SVOP: variants seen among roughly 807,000 people sequenced by gnomAD.
SVOP encodes SV2 related protein.
In SVOP, 17 loss-of-function variants were observed where a neutral mutation model predicts 69.1. The observed-to-expected ratio is 0.25, with a 90% CI of 0.17 to 0.37. The LOEUF is 0.37. Ranked by LOEUF, SVOP falls within the 10% of genes least tolerant of loss-of-function variation. The probability of loss-of-function intolerance (pLI) is 1.00; values close to 1 mark genes in which losing one functional copy is unlikely to be tolerated. For synonymous variants in SVOP, 238 were observed against 238.6 expected (o/e 1.00, Z 0.02); for missense variants, 435 against 597.5 (o/e 0.73, Z 2.84).
chr12:108,940,296 G>A (rs959235345), intron 8 of SVOP, among the ~76,000 whole-genome samples: 2 of 152,140 alleles, frequency 1.3e-5, no homozygotes, highest in East Asian at 3.8e-4. Flanking sequence ...TCAAGCATGT[G>A]CCCATGAAAT....
chr12:108,985,441 G>A (rs965880088), intron 1 of SVOP, among the ~76,000 whole-genome samples: 42 of 152,272 alleles, frequency 2.8e-4, no homozygotes, highest in Non-Finnish European at 5.1e-4. Context: ...GGAGGCTGGC[G>A]TGAAAGGGTC....
chr12:109,021,018 G>A lies in SVOP; in HGVS notation c.-150C>T. 1 of 570,472 alleles carries A rather than the reference G, an allele frequency of 1.8e-6. No homozygotes were observed. The highest frequency in any genetic ancestry group is 3.2e-6 in the Non-Finnish European group (1 of 316,940). The allele number at this position is 570,472 out of a possible 1,614,324, so 35.3% of individuals were successfully genotyped here. ...AGCTGTTCGGGGAGGGAGCCGCTGG[G>A]GACCAGCCCACGAGACAAAGCCTCC... is the stretch of plus-strand genomic sequence containing the variant. On this transcript the variant is annotated 5_prime_UTR_variant, in exon 1 of 16. Transcript: ENST00000610966.
rs2135639265 is a variant in SVOP, at chr12:109,020,873, G to T, written c.-5C>A. 2.8e-6 allele frequency: 2 copies of T among 714,932 alleles called. No homozygotes were observed. Among genetic ancestry groups the T allele is most frequent in the East Asian group, 2.7e-5 (1 of 37,024 alleles). 44.3% of individuals were successfully genotyped at this position (714,932 alleles called of 1,614,324 possible). A position where few individuals can be genotyped will look rare whatever the true frequency, so the allele number is the denominator to read the frequency against. The stretch of plus-strand genomic sequence containing the variant: ...CTGGAATAAGTCCTCCTCCATGTCC[G>T]CGCTGCGCCAGGATGAGCCCTTCTC... On this transcript the variant is annotated 5_prime_UTR_variant, in exon 1 of 16. Transcript: ENST00000610966.
intron 1 of SVOP, among the ~76,000 whole-genome samples, chr12:109,018,047 G>T (rs955750255): frequency 1.1e-4 from 16 of 152,214 alleles, no homozygotes. Context: ...ACCTTACTCA[G>T]CTGTAGAATC....
rs141138803 is a variant in SVOP at position 108,908,632 on chromosome 12, C to T, written c.*3903G>A. 149 of 152,218 alleles carry T rather than the reference C, an allele frequency of 9.8e-4. No homozygotes were observed. The highest frequency in any genetic ancestry group is 3.5e-3 in the African/African-American group (144 of 41,530). The allele number at this position is 152,218 out of a possible 1,614,324, so 9.4% of individuals were successfully genotyped here. A position where few individuals can be genotyped will look rare whatever the true frequency, so the allele number is the denominator to read the frequency against. On this transcript the variant is annotated 3_prime_UTR_variant, in exon 16 of 16. Coordinates refer to ENST00000610966, the MANE Select transcript of SVOP (RefSeq NM_018711.5). ...ATTTCCCCTGTAGGAAATTAACTACCGATCCCAGTCTTATAATAAAGCTCT... is the reference window on the plus strand; with the variant it reads ...ATTTCCCCTGTAGGAAATTAACTACTGATCCCAGTCTTATAATAAAGCTCT...
chr12:108,976,484 T>C (rs1319256843), intron 4 of SVOP, among the ~76,000 whole-genome samples: 1 of 152,228 alleles, frequency 6.6e-6, no homozygotes, highest in African/African-American at 2.4e-5. Flanking sequence ...AGAGCACATG[T>C]ACATTGTGCA....
At position 108,977,463 on chromosome 12, in the gene SVOP, T is replaced by C; in HGVS notation, c.316A>G (p.Ile106Val). The C allele has an allele frequency of 6.5e-7, 1 of 1,537,126 alleles. No homozygotes were observed. Among genetic ancestry groups the C allele is most frequent in the Non-Finnish European group, 8.7e-7 (1 of 1,146,814 alleles). ...TCGCAATGCAGCTGTGGTGCCAGGA[T>C]GCTGAGGATCATCATCTCCATGGCA... ...ADAMEMMILS[I>V]LAPQLHCEWR... Residue 106 changes from isoleucine (I) to valine (V), a missense_variant, in exon 4 of 16, where the codon ATC becomes GTC. Transcript: ENST00000610966.
Position 108,910,139 on chromosome 12 carries a change from T to G in SVOP, c.*2396A>C, listed in dbSNP as rs1022184713. 6.6e-6 allele frequency: 1 copy of G among 152,182 alleles called. No individual in the cohort carries two copies. Among genetic ancestry groups the G allele is most frequent in the Non-Finnish European group, 1.5e-5 (1 of 68,072 alleles). 9.4% of individuals were successfully genotyped at this position (152,182 alleles called of 1,614,324 possible). A position where few individuals can be genotyped will look rare whatever the true frequency, so the allele number is the denominator to read the frequency against. On this transcript the variant is annotated 3_prime_UTR_variant, in exon 16 of 16. Coordinates refer to ENST00000610966, the MANE Select transcript of SVOP (RefSeq NM_018711.5). ...CACACCTGGCTAATTTTTTTTTGTA[T>G]TTTTAGTAGAGACGGGGTTTCACCA...
intron 13 of SVOP, among the ~76,000 whole-genome samples, chr12:108,919,467 G>A (rs2039735484): frequency 6.7e-6 from 1 of 149,362 alleles, no homozygotes; most frequent in Admixed American, 6.6e-5. Flanking sequence ...ACACACCTGG[G>A]TCTGCACCCA....
chr12:108,940,998 G>A, intron 7 of SVOP, 89 bp from the exon 8 acceptor site: 1 of 1,471,714 alleles, frequency 6.8e-7, no homozygotes, highest in Non-Finnish European at 9.1e-7. Flanking sequence ...GGGTATCTCT[G>A]TGGGTAAGGG....
chr12:109,018,259 A>G (rs924560384), intron 1 of SVOP, among the ~76,000 whole-genome samples: 2 of 152,208 alleles, frequency 1.3e-5, no homozygotes, highest in Admixed American at 6.5e-5. Context: ...TCAGCCTCCC[A>G]AATCTCCTCT....
At chr12:108,973,551 C>G (rs139567469) in intron 4 of SVOP, among the ~76,000 whole-genome samples, 8 of 152,182 alleles carry the variant, frequency 5.3e-5, no homozygotes, top group African/African-American at 1.9e-4. Flanking sequence ...ACCACCATGC[C>G]TAGCTAATTT....
chr12:108,912,811 G>A (rs1224822885), intron 15 of SVOP, 70 bp from the exon 16 acceptor site: 2 of 1,462,106 alleles, frequency 1.4e-6, no homozygotes, highest in Non-Finnish European at 1.9e-6. Flanking sequence ...CCATCAAATA[G>A]TATTAGTAAC....
chr12:108,920,399 G>A (rs2039741026), intron 12 of SVOP, among the ~76,000 whole-genome samples: 1 of 152,160 alleles, frequency 6.6e-6, no homozygotes, highest in African/African-American at 2.4e-5. Context: ...GGAACAGGAT[G>A]TCTGGGTTCT....
Position 108,940,770 on chromosome 12 carries a change from T to C in SVOP, c.768+14A>G. ...TCAGACAGCAAAAGGTGAAATCTCT[T>C]AAAGGATACCTACGAAACACAGCAC... On this transcript the variant is annotated intron_variant, in intron 8 of 15. Coordinates refer to ENST00000610966, the MANE Select transcript of SVOP (RefSeq NM_018711.5). 6.5e-7 allele frequency: 1 copy of C among 1,536,814 alleles called. No individual in the cohort carries two copies. Among genetic ancestry groups the C allele is most frequent in the Non-Finnish European group, 8.7e-7 (1 of 1,146,630 alleles).
At chr12:108,976,039 A>G (rs2040104747) in intron 4 of SVOP, among the ~76,000 whole-genome samples, 1 of 152,102 alleles carries the variant, frequency 6.6e-6, no homozygotes, top group African/African-American at 2.4e-5. Context: ...AGAAGGAGGA[A>G]TATAAAAAGC....
intron 10 of SVOP, among the ~76,000 whole-genome samples, chr12:108,935,653 C>T (rs2039852077): frequency 6.6e-6 from 1 of 152,118 alleles, no homozygotes; most frequent in African/African-American, 2.4e-5. Flanking sequence ...AGCACCTTTG[C>T]TAAATGGTGA....
chr12:108,931,803 C>T (rs907407183), intron 11 of SVOP, among the ~76,000 whole-genome samples: 1 of 149,794 alleles, frequency 6.7e-6, no homozygotes, highest in African/African-American at 2.5e-5. Context: ...CACTGCACTC[C>T]AGCCTGGCGA....
intron 6 of SVOP, among the ~76,000 whole-genome samples, chr12:108,960,396 C>T (rs2040010994): frequency 6.6e-6 from 1 of 152,170 alleles, no homozygotes; most frequent in Non-Finnish European, 1.5e-5. Flanking sequence ...TGAATATTCT[C>T]AGTACCTTAA....
Sources: gnomAD v4.1 joint callset for allele counts (sites outside exome capture counted in the v4.1 genomes callset) on GRCh38, gnomAD v4.1.1 for gene constraint, MANE v1.5 for transcripts, NCBI Gene and HGNC (gene_info 2026-07-23, HGNC 2026-07-21) for gene names.